PCNX4: variants seen among roughly 807,000 people sequenced by gnomAD.
PCNX4 encodes the protein pecanex 4.
PCNX4 carries 103 observed loss-of-function variants against 107.2 expected under a neutral mutation model. That is an observed-to-expected ratio of 0.96 (90% CI 0.82 to 1.13). The LOEUF is 1.13. PCNX4 is among the 50% of genes most tolerant of loss of function. The probability of loss-of-function intolerance (pLI) is 0.00; values close to 1 mark genes in which losing one functional copy is unlikely to be tolerated. For missense variants in PCNX4, 1,528 were observed against 1,379.4 expected (o/e 1.11, Z -1.71); for synonymous variants, 541 against 481.7 (o/e 1.12, Z -1.61).
At position 60,110,217 on chromosome 14, in the gene PCNX4, A is replaced by G. The variant is rs1172908379; in HGVS notation, c.689+1890A>G. The G allele has an allele frequency of 1.8e-5, 3 of 167,150 alleles. No individual in the cohort carries two copies. The Admixed American group carries it at 2.0e-4, about 11-fold the overall frequency. 10.4% of individuals were successfully genotyped at this position (167,150 alleles called of 1,614,324 possible). On this transcript the variant is annotated intron_variant, in intron 2 of 10. Transcript: ENST00000406854. ...GGAAGTAATGAAGGCCGACAGTTGA[A>G]CTTCTTGGATTTGACAGGATGTAAT...
At position 60,118,482 on chromosome 14, in the gene PCNX4, G is replaced by A; in HGVS notation, c.1732G>A (p.Val578Ile). 1 of 1,613,356 alleles carries A rather than the reference G, an allele frequency of 6.2e-7. No homozygotes were observed. The highest frequency in any genetic ancestry group is 1.6e-4 in the Middle Eastern group (1 of 6,084). ...CATTGTCTTTTCTCCATTCGTGTTG[G>A]TCATCATAGTTTTTTCTACACTACT... Reference protein sequence around the residue: ...LNIVFSPFVLVIIVFSTLLSS... With the variant: ...LNIVFSPFVLIIIVFSTLLSS... The change falls in exon 7 of 11, where the codon GTC becomes ATC. Residue 578 changes from valine to isoleucine, a missense_variant. Physicochemically the swap from Val to Ile is conservative, Grantham distance 29. Coordinates refer to ENST00000406854, the MANE Select transcript of PCNX4 (RefSeq NM_001330177.2).
At chr14:60,109,655 G>C (rs1446473141) in intron 2 of PCNX4, 1 of 164,770 alleles carries the variant, frequency 6.1e-6, no homozygotes, top group Non-Finnish European at 1.5e-5. Flanking sequence ...TGGCCAGGCT[G>C]GTCCCAAAGT....
At position 60,148,144 on chromosome 14, in the gene PCNX4, GTTGTGT is replaced by G. The variant is rs2140587608; in HGVS notation, c.*13928_*13933del. 1.3e-5 allele frequency: 2 copies of G among 152,246 alleles called. No individual in the cohort carries two copies. The highest frequency in any genetic ancestry group is 2.9e-5 in the Non-Finnish European group (2 of 68,006). 9.4% of individuals were successfully genotyped at this position (152,246 alleles called of 1,614,324 possible). Reference sequence around the variant, plus strand: ...ACCTTTTATGTCTCTTAAGCATTTTGTTGTGTTTGTAACTTTTTACCCCCTAATTCA... The same window carrying G: ...ACCTTTTATGTCTCTTAAGCATTTTGTTGTAACTTTTTACCCCCTAATTCA... On this transcript the variant is annotated 3_prime_UTR_variant, in exon 11 of 11. Transcript: ENST00000406854. This position sits in a 1 kb window ranked among gnomAD's most constrained non-coding sequence, Gnocchi z 4.8.
chr14:60,113,064 C>G (rs538053305), intron 2 of PCNX4, among the ~76,000 whole-genome samples: 2 of 152,224 alleles, frequency 1.3e-5, no homozygotes, highest in South Asian at 2.1e-4. Context: ...TGCCTGTAGT[C>G]CCAGCTACTG....
At position 60,108,253 on chromosome 14, in the gene PCNX4, G is replaced by A. The variant is rs565069408; in HGVS notation, c.615G>A (p.Gln205=). The A allele has an allele frequency of 1.4e-5, 23 of 1,612,624 alleles. No homozygotes were observed. In the South Asian group the frequency reaches 2.0e-4, roughly 14 times the overall value. Residue 205 remains glutamine, a synonymous_variant, in exon 2 of 11, where the codon CAG becomes CAA. Coordinates refer to ENST00000406854, the MANE Select transcript of PCNX4 (RefSeq NM_001330177.2). ...CAGAGACTGCGACTTTCCAAACACA[G>A]GATACTTATGAAATTATTCCTCTTA... ...TATETATFQT[Q]DTYEIIPLMR... is the part of the protein sequence containing the mutation.
At chr14:60,112,698 G>GA (rs980664925) in intron 2 of PCNX4, among the ~76,000 whole-genome samples, 4 of 151,824 alleles carry the variant, frequency 2.6e-5, no homozygotes, top group South Asian at 2.1e-4. Flanking sequence ...TGTCTTGGGG[G>GA]AAAAAAAAGT....
At chr14:60,094,502 A>G (rs775139248) in intron 1 of PCNX4, among the ~76,000 whole-genome samples, 5 of 152,100 alleles carry the variant, frequency 3.3e-5, no homozygotes, top group African/African-American at 9.7e-5. Flanking sequence ...ACCACAACAC[A>G]CAAGAACATC....
intron 8 of PCNX4, among the ~76,000 whole-genome samples, chr14:60,123,828 T>C (rs1771012600): frequency 1.3e-5 from 2 of 152,158 alleles, no homozygotes; most frequent in South Asian, 4.1e-4. Flanking sequence ...ATGGAAAGCA[T>C]ATAATACTAC....
chr14:60,135,581 C>G lies in PCNX4; in HGVS notation c.*1360C>G, dbSNP rs1175790748. The G allele has an allele frequency of 6.6e-6, 1 of 151,026 alleles. No individual in the cohort carries two copies. The highest frequency in any genetic ancestry group is 1.5e-5 in the Non-Finnish European group (1 of 67,840). 9.4% of individuals were successfully genotyped at this position (151,026 alleles called of 1,614,324 possible). A position where few individuals can be genotyped will look rare whatever the true frequency, so the allele number is the denominator to read the frequency against. ...CTTTTTTTTTTTTCCGAGATGGAAT[C>G]TCGCTCTGTCACCCAGGCTGGGGTG... is the stretch of plus-strand genomic sequence containing the variant. On this transcript the variant is annotated 3_prime_UTR_variant, in exon 11 of 11. Transcript: ENST00000406854.
At position 60,108,344 on chromosome 14, in the gene PCNX4, T is replaced by TA; in HGVS notation, c.689+18dup. ...GGCACACAGGTAAAAACCTACCAAA[T>TA]ACTTTGTAACTAACTTTGTTTTTAA... On this transcript the variant is annotated intron_variant, in intron 2 of 10. Transcript: ENST00000406854. 1.9e-6 allele frequency: 3 copies of TA among 1,550,092 alleles called. No individual in the cohort carries two copies. Among genetic ancestry groups the TA allele is most frequent in the Non-Finnish European group, 2.6e-6 (3 of 1,141,714 alleles).
Position 60,124,756 on chromosome 14 carries a change from T to C in PCNX4, c.2585T>C (p.Val862Ala), listed in dbSNP as rs770332424. Residue 862 changes from valine (V) to alanine (A), a missense_variant, in exon 9 of 11, where the codon GTT (valine) becomes GCT (alanine). By Grantham distance (64) the Val-to-Ala change is moderately conservative. Coordinates refer to ENST00000406854, the MANE Select transcript of PCNX4 (RefSeq NM_001330177.2). ...CCAGGATCAGTAGAATCACAGAGGG[T>C]TGGTGATCATTCTACAGGCACTGTT... ...FIPGSVESQR[V>A]GDHSTGTVPE... is the part of the protein sequence containing the mutation. 3.7e-6 allele frequency: 6 copies of C among 1,613,030 alleles called. 1 individual carries two copies. The highest frequency in any genetic ancestry group is 3.3e-4 in the Middle Eastern group (2 of 6,084).
intron 1 of PCNX4, among the ~76,000 whole-genome samples, chr14:60,100,667 A>T (rs1253298250): frequency 2.0e-5 from 3 of 152,222 alleles, no homozygotes; most frequent in African/African-American, 4.8e-5. Context: ...CTGATTTGTT[A>T]AATCTTGCCC....
chr14:60,126,191 A>G (rs1346006295), intron 10 of PCNX4: 1 of 155,248 alleles, frequency 6.4e-6, no homozygotes, highest in Admixed American at 6.5e-5. Flanking sequence ...ATTTATCTGT[A>G]AGTGGCAAAG....
chr14:60,126,758 A>C (rs986464167), intron 10 of PCNX4, among the ~76,000 whole-genome samples: 10 of 152,222 alleles, frequency 6.6e-5, no homozygotes, highest in Admixed American at 2.0e-4. Flanking sequence ...GTCCAAGTAA[A>C]GATTCCCTTC....
At position 60,115,246 on chromosome 14, in the gene PCNX4, A is replaced by G; in HGVS notation, c.1142A>G (p.Gln381Arg). 3 of 1,612,954 alleles carry G rather than the reference A, an allele frequency of 1.9e-6. No homozygotes were observed. Among genetic ancestry groups the G allele is most frequent in the Non-Finnish European group, 2.5e-6 (3 of 1,179,154 alleles). The part of the protein sequence containing the change: ...SLLHHFAGFS[Q>R]ISKSNSQAIV... ...CTTCATCACTTTGCTGGCTTCTCAC[A>G]GATTTCTAAAAGCAATTCCCAGGCT... The change falls in exon 4 of 11, where the codon CAG becomes CGG. Residue 381 changes from glutamine (Q) to arginine (R), a missense_variant. Transcript: ENST00000406854.
chr14:60,133,532 T>C, intron 10 of PCNX4: 1 of 386,084 alleles, frequency 2.6e-6, no homozygotes, highest in Admixed American at 3.5e-5. Flanking sequence ...CACGTATCTG[T>C]GACTATAATA....
rs947717470 is a variant in PCNX4, at chr14:60,143,478, C to A, written c.*9257C>A. On this transcript the variant is annotated 3_prime_UTR_variant, in exon 11 of 11. Coordinates refer to ENST00000406854, the MANE Select transcript of PCNX4 (RefSeq NM_001330177.2). ...TCCTCCCCATCCTAAGTAACTATTACCATACCTAAATATATATCTAATTAG... is the reference window on the plus strand; with the variant it reads ...TCCTCCCCATCCTAAGTAACTATTAACATACCTAAATATATATCTAATTAG... The A allele has an allele frequency of 2.0e-5, 3 of 152,174 alleles. No homozygotes were observed. Among genetic ancestry groups the A allele is most frequent in the African/African-American group, 7.2e-5 (3 of 41,440 alleles). The allele number at this position is 152,174 out of a possible 1,614,324, so 9.4% of individuals were successfully genotyped here.
In PCNX4 at chr14:60,143,373, A is replaced by G. The variant is rs1230663334; in HGVS notation, c.*9152A>G. ...ATTGGTGTGTTGTATTCAATAAATA[A>G]TGTTGTTATTCCAGTTTTCATCACT... On this transcript the variant is annotated 3_prime_UTR_variant, in exon 11 of 11. Transcript: ENST00000406854. 1 of 152,192 alleles carries G rather than the reference A, an allele frequency of 6.6e-6. No homozygotes were observed. Among genetic ancestry groups the G allele is most frequent in the Non-Finnish European group, 1.5e-5 (1 of 68,032 alleles). 9.4% of individuals were successfully genotyped at this position (152,192 alleles called of 1,614,324 possible).
intron 2 of PCNX4, chr14:60,109,917 C>T (rs1487977260): frequency 6.0e-6 from 1 of 167,094 alleles, no homozygotes; most frequent in Non-Finnish European, 1.5e-5. Flanking sequence ...AAGGAGAGTT[C>T]AAAGCAGTGT....
Sources: allele counts gnomAD v4.1 joint callset (sites outside exome capture counted in the v4.1 genomes callset), GRCh38; gene constraint gnomAD v4.1.1; non-coding constraint Gnocchi (gnomAD v3.1); transcripts MANE v1.5; gene names NCBI Gene and HGNC (gene_info 2026-07-23, HGNC 2026-07-21).